Variants in IQCM observed in about 807,000 individuals in gnomAD.
The protein encoded by IQCM is IQ motif containing M, also known as IQ domain-containing protein M.
Under a neutral mutation model 57.6 loss-of-function variants are expected in IQCM, and 45 were observed. The ratio of observed to expected loss-of-function variants is 0.78; its 90% CI spans 0.62 to 1.00. The LOEUF is 1.00. IQCM is among the 50% of genes least tolerant of loss of function. The probability of loss-of-function intolerance (pLI) is 0.00; values close to 1 mark genes in which losing one functional copy is unlikely to be tolerated. For synonymous variants in IQCM, 148 were observed against 158.9 expected (o/e 0.93, Z 0.51); for missense variants, 468 against 511.6 (o/e 0.91, Z 0.82).
intron 2 of IQCM, among the ~76,000 whole-genome samples, chr4:149,777,019 T>TA (rs1056277947): frequency 2.4e-4 from 36 of 152,300 alleles, no homozygotes; most frequent in African/African-American, 7.9e-4. Flanking sequence ...GCTCCAGTTG[T>TA]ATAAGGTTTT....
chr4:149,383,643 A>C (rs1731223861), intron 13 of IQCM, among the ~76,000 whole-genome samples: 1 of 152,146 alleles, frequency 6.6e-6, no homozygotes, highest in Non-Finnish European at 1.5e-5. Flanking sequence ...ATTAATCTTC[A>C]TATTCTCTAT....
At chr4:149,701,141 ATT>A (rs1301045327) in intron 5 of IQCM, among the ~76,000 whole-genome samples, 1 of 152,014 alleles carries the variant, frequency 6.6e-6, no homozygotes, top group Non-Finnish European at 1.5e-5. Flanking sequence ...CCTCAATAAT[ATT>A]TTGAGAACTG....
chr4:149,655,648 T>C (rs964071018), intron 7 of IQCM, among the ~76,000 whole-genome samples: 2 of 152,104 alleles, frequency 1.3e-5, no homozygotes, highest in Non-Finnish European at 2.9e-5. Flanking sequence ...GAAAGTTGTG[T>C]AAGAGACAGT....
At chr4:149,612,945 G>A (rs1755435337) in intron 8 of IQCM, among the ~76,000 whole-genome samples, 1 of 151,992 alleles carries the variant, frequency 6.6e-6, no homozygotes, top group South Asian at 2.1e-4. Flanking sequence ...TCACTTACCT[G>A]TTAACTCAGG....
chr4:149,417,107 C>A (rs1401547692), intron 13 of IQCM, among the ~76,000 whole-genome samples: 1 of 152,142 alleles, frequency 6.6e-6, no homozygotes, highest in Admixed American at 6.5e-5. Context: ...TGAAGACTTA[C>A]ATAATTTTCA....
intron 7 of IQCM, among the ~76,000 whole-genome samples, chr4:149,668,327 G>A (rs1426035985): frequency 9.9e-5 from 15 of 152,066 alleles, no homozygotes; most frequent in Non-Finnish European, 1.9e-4. Context: ...CAGCCAAACC[G>A]TGCTTCATAA....
intron 12 of IQCM, among the ~76,000 whole-genome samples, chr4:149,470,361 C>A (rs1034596044): frequency 1.1e-4 from 16 of 150,898 alleles, no homozygotes; most frequent in Non-Finnish European, 2.2e-4. Flanking sequence ...CAACAAAGAT[C>A]AAAGGAGACA....
At chr4:149,647,620 CTTT>C (rs1216814274) in intron 7 of IQCM, among the ~76,000 whole-genome samples, 1 of 151,864 alleles carries the variant, frequency 6.6e-6, no homozygotes, top group African/African-American at 2.4e-5. Flanking sequence ...TCTTTTACTT[CTTT>C]TGCTTTTCTT....
Position 149,684,199 on chromosome 4 carries a change from G to C in IQCM, c.477-1993C>G, listed in dbSNP as rs560302338. Among the ~76,000 whole-genome samples, 7 of 151,246 alleles carry C rather than the reference G, an allele frequency of 4.6e-5. No homozygotes were observed. In the East Asian group the frequency reaches 1.4e-3, roughly 29 times the overall value. On this transcript the variant is annotated intron_variant, in intron 6 of 13. Coordinates refer to ENST00000636793, the MANE Select transcript of IQCM (RefSeq NM_001363507.2). The stretch of plus-strand genomic sequence containing the variant: ...GAAATCTTTGAATTTAGAATTCAAA[G>C]GTACACTGAAGAACTTTACCTTCTT...
At chr4:149,694,111 A>C (rs1763141767) in intron 5 of IQCM, among the ~76,000 whole-genome samples, 1 of 152,210 alleles carries the variant, frequency 6.6e-6, no homozygotes. Context: ...ATCAATCAAT[A>C]AATAATTTGT....
Position 149,728,865 on chromosome 4 carries a change from T to A in IQCM, c.385+4379A>T, listed in dbSNP as rs181961872. On this transcript the variant is annotated intron_variant, in intron 5 of 13. Transcript: ENST00000636793. ...CCCAAAGTTCCCCCTAGGCACTACATCCAGCTCAGAGAGCAGGACCTCCAG... is the reference window on the plus strand; with the variant it reads ...CCCAAAGTTCCCCCTAGGCACTACAACCAGCTCAGAGAGCAGGACCTCCAG... Among the ~76,000 whole-genome samples the A allele has an allele frequency of 5.2e-4, 79 of 152,282 alleles. 3 individuals carry two copies. Among genetic ancestry groups the A allele is most frequent in the Admixed American group, 4.1e-3 (63 of 15,298 alleles).
rs1738333369 is a variant in IQCM, at chr4:149,461,898, G to C, written c.1229-28341C>G. On this transcript the variant is annotated intron_variant, in intron 12 of 13. Coordinates refer to ENST00000636793, the MANE Select transcript of IQCM (RefSeq NM_001363507.2). ...GCAGTATGGATCATTTTCAACAGAAGAAATTTTTATTAGAAAAGATTGAAT... is the reference window on the plus strand; with the variant it reads ...GCAGTATGGATCATTTTCAACAGAACAAATTTTTATTAGAAAAGATTGAAT... Among the ~76,000 whole-genome samples, 3 of 151,782 alleles carry C rather than the reference G, an allele frequency of 2.0e-5. No individual in the cohort carries two copies. In the South Asian group the frequency reaches 6.2e-4, roughly 32 times the overall value.
chr4:149,435,667 C>T (rs1236705541), intron 12 of IQCM, among the ~76,000 whole-genome samples: 5 of 151,514 alleles, frequency 3.3e-5, no homozygotes, highest in African/African-American at 1.2e-4. Flanking sequence ...CAGCTTCATG[C>T]TGCTATTGGC....
chr4:149,423,811 G>A (rs1734281540), intron 13 of IQCM, among the ~76,000 whole-genome samples: 1 of 151,850 alleles, frequency 6.6e-6, no homozygotes, highest in African/African-American at 2.4e-5. Context: ...TATTTGTGGA[G>A]TGACTGAATA....
chr4:149,671,223 G>A (rs1561135677), intron 7 of IQCM, among the ~76,000 whole-genome samples: 1 of 152,108 alleles, frequency 6.6e-6, no homozygotes, highest in Non-Finnish European at 1.5e-5. Context: ...GGGTGTGTGT[G>A]TCCAGGAATT....
chr4:149,449,505 T>A (rs1314624913), intron 12 of IQCM, among the ~76,000 whole-genome samples: 4 of 149,720 alleles, frequency 2.7e-5, no homozygotes, highest in Admixed American at 6.7e-5. Flanking sequence ...AAAAACAAAT[T>A]CAGTAAAGTT....
chr4:149,671,388 C>T (rs547693833), intron 7 of IQCM, among the ~76,000 whole-genome samples: 2 of 152,172 alleles, frequency 1.3e-5, no homozygotes, highest in Non-Finnish European at 2.9e-5. Context: ...ATTAGTCTTG[C>T]TAGCTGTCTA....
chr4:149,624,056 C>G (rs1473259195), intron 7 of IQCM, among the ~76,000 whole-genome samples: 1 of 151,908 alleles, frequency 6.6e-6, no homozygotes, highest in Non-Finnish European at 1.5e-5. Flanking sequence ...TAGTGTGCTG[C>G]CTTTCTGCAT....
chr4:149,715,411 A>C (rs1164626752), intron 5 of IQCM, among the ~76,000 whole-genome samples: 2 of 152,178 alleles, frequency 1.3e-5, no homozygotes, highest in East Asian at 3.9e-4. Flanking sequence ...CACTGCTTCC[A>C]CCAGGGAACA....
Sources: gnomAD v4.1 joint callset for allele counts (sites outside exome capture counted in the v4.1 genomes callset) on GRCh38, gnomAD v4.1.1 for gene constraint, MANE v1.5 for transcripts, NCBI Gene and HGNC (gene_info 2026-07-23, HGNC 2026-07-21) for gene names.